Variants in RPRD1A observed in about 807,000 individuals in gnomAD.
RPRD1A encodes the protein regulation of nuclear pre-mRNA domain containing 1A, also known as regulation of nuclear pre-mRNA domain-containing protein 1A.
A neutral mutation model predicts 37.8 loss-of-function variants in RPRD1A; 9 were observed. The ratio of observed to expected loss-of-function variants is 0.24; its 90% CI spans 0.14 to 0.42. The LOEUF (loss-of-function observed/expected upper bound fraction) is 0.42, where lower values mean the gene tolerates loss of function less well. RPRD1A is among the 10% of genes least tolerant of loss of function. The pLI is 1.00. For synonymous variants in RPRD1A, 138 were observed against 139.7 expected, an observed-to-expected ratio of 0.99 and a Z score of 0.08; for missense variants, 255 against 371.0, an observed-to-expected ratio of 0.69 and a Z score of 2.57.
intron 6 of RPRD1A, among the ~76,000 whole-genome samples, chr18:36,003,263 T>G (rs1282651104): frequency 6.6e-6 from 1 of 152,206 alleles, no homozygotes; most frequent in African/African-American, 2.4e-5. Context: ...ACAGAACTTA[T>G]CTTCCACATT....
chr18:36,039,010 A>C (rs1417716876), intron 1 of RPRD1A, among the ~76,000 whole-genome samples: 1 of 152,082 alleles, frequency 6.6e-6, no homozygotes, highest in Non-Finnish European at 1.5e-5. Context: ...ATCTCAGGTG[A>C]GACTTTGGGC....
At chr18:36,054,386 G>A (rs201000957) in intron 1 of RPRD1A, among the ~76,000 whole-genome samples, 3 of 152,242 alleles carry the variant, frequency 2.0e-5, no homozygotes, top group African/African-American at 2.4e-5. Context: ...CCAGCTACTC[G>A]GGAGGCTGAG....
intron 6 of RPRD1A, among the ~76,000 whole-genome samples, chr18:36,014,380 C>T (rs1024365718): frequency 6.6e-6 from 1 of 152,086 alleles, no homozygotes; most frequent in African/African-American, 2.4e-5. Context: ...TTCTAGTTCC[C>T]GACTATAACA....
At chr18:36,024,763 A>G (rs1911244366) in intron 6 of RPRD1A, 1 of 152,206 alleles carries the variant, frequency 6.6e-6, no homozygotes, top group Non-Finnish European at 1.5e-5. Context: ...ATAAATCTTC[A>G]CCTCTCAGTC....
intron 6 of RPRD1A, among the ~76,000 whole-genome samples, chr18:36,011,706 C>T (rs976374758): frequency 7.2e-5 from 11 of 152,060 alleles, no homozygotes; most frequent in African/African-American, 2.2e-4. Context: ...CAAAAAATGC[C>T]AATGCCAAAA....
chr18:35,995,130 G>A (rs1043823942), intron 6 of RPRD1A, among the ~76,000 whole-genome samples: 3 of 152,020 alleles, frequency 2.0e-5, no homozygotes, highest in Admixed American at 1.3e-4. Flanking sequence ...GCATGTATTT[G>A]GAAAATTTCC....
intron 1 of RPRD1A, among the ~76,000 whole-genome samples, chr18:36,050,525 TA>T (rs563829690): frequency 4.8e-5 from 7 of 146,974 alleles, no homozygotes; most frequent in Middle Eastern, 3.2e-3. Flanking sequence ...AGAATATACA[TA>T]AAAAAAAAAC....
rs2144291322 is a variant in RPRD1A at position 36,030,864 on chromosome 18, T to G, written c.430A>C (p.Lys144Gln). 1 of 1,613,566 alleles carries G rather than the reference T, an allele frequency of 6.2e-7. No homozygotes were observed. Among genetic ancestry groups the G allele is most frequent in the South Asian group, 1.1e-5 (1 of 91,038 alleles). The change falls in exon 4 of 7, where the codon AAG (lysine) becomes CAG (glutamine). Residue 144 changes from lysine (K) to glutamine (Q), a missense_variant. Around this residue, in one of 2 missense-constraint regions of RPRD1A, gnomAD observed 211 missense variants for 268.9 expected, o/e 0.78. Transcript: ENST00000399022. ...GAACAGTTTTCATTTTCATCCACCT[T>G]TATCTGTTCATAAGTTCGCTTCCTA... ...KPRKRTYEQI[K>Q]VDENENCSSL...
At chr18:36,014,123 A>G (rs910173311) in intron 6 of RPRD1A, among the ~76,000 whole-genome samples, 1 of 152,194 alleles carries the variant, frequency 6.6e-6, no homozygotes, top group African/African-American at 2.4e-5. Flanking sequence ...ATTTTTTGCT[A>G]ATTTCTTTAA....
At chr18:36,057,051 C>CAAAAAAAAA (rs35428437) in intron 1 of RPRD1A, among the ~76,000 whole-genome samples, 3 of 44,734 alleles carry the variant, frequency 6.7e-5, no homozygotes, top group African/African-American at 8.4e-5. Context: ...CCTGTTTCTA[C>CAAAAAAAAA]AAAAAAAAAA....
At chr18:36,046,315 A>G (rs984301105) in intron 1 of RPRD1A, among the ~76,000 whole-genome samples, 1 of 152,116 alleles carries the variant, frequency 6.6e-6, no homozygotes, top group Non-Finnish European at 1.5e-5. Flanking sequence ...TCAGCAATAA[A>G]GAAACACTCC....
chr18:36,005,226 G>A (rs910610658), intron 6 of RPRD1A, among the ~76,000 whole-genome samples: 2 of 152,176 alleles, frequency 1.3e-5, no homozygotes, highest in East Asian at 1.9e-4. Flanking sequence ...GCGTGAGCCC[G>A]GGAGGTGGAG....
chr18:36,011,585 A>G (rs1433620616), intron 6 of RPRD1A, among the ~76,000 whole-genome samples: 1 of 152,168 alleles, frequency 6.6e-6, no homozygotes, highest in Non-Finnish European at 1.5e-5. Flanking sequence ...GATAAAAAAG[A>G]TACATATATT....
At chr18:36,027,107 A>G (rs774505935) in intron 5 of RPRD1A, 32 bp from the exon 6 acceptor site, 2 of 1,611,874 alleles carry the variant, frequency 1.2e-6, no homozygotes, top group South Asian at 1.1e-5. Context: ...AAAATATTAT[A>G]CAACAAAAAC....
At chr18:36,025,139 A>T (rs1911272344) in intron 6 of RPRD1A, 1 of 152,420 alleles carries the variant, frequency 6.6e-6, no homozygotes, top group Admixed American at 6.5e-5. Flanking sequence ...AAAAACAGGA[A>T]GCAATGTGTC....
At chr18:36,006,096 C>T (rs1274677354) in intron 6 of RPRD1A, among the ~76,000 whole-genome samples, 1 of 152,182 alleles carries the variant, frequency 6.6e-6, no homozygotes, top group East Asian at 1.9e-4. Flanking sequence ...GTACTTAGAA[C>T]AGTGTCTTGG....
At chr18:36,062,190 G>C (rs1389237114) in intron 1 of RPRD1A, among the ~76,000 whole-genome samples, 1 of 151,426 alleles carries the variant, frequency 6.6e-6, no homozygotes, top group African/African-American at 2.4e-5. Flanking sequence ...GGTGGCGGGC[G>C]CCTGTAGTCC....
In RPRD1A at chr18:36,008,589, A is replaced by ATATATATATATATATATATATATATC. The variant is rs71381561; in HGVS notation, c.790-15290_790-15289insGATATATATATATATATATATATATA. On this transcript the variant is annotated intron_variant, in intron 6 of 6. Transcript: ENST00000399022. ...AGACCTTGTGTGTGTATATATATAT[A>ATATATATATATATATATATATATATC]TCTTTAAAAATCTCTCTAGGAAAAA... Among the ~76,000 whole-genome samples, 669 of 90,350 alleles carry ATATATATATATATATATATATATATC rather than the reference A, an allele frequency of 7.4e-3. 74 individuals carry two copies. The highest frequency in any genetic ancestry group is 0.01 in the East Asian group (30 of 2,880). 59.3% of individuals were successfully genotyped at this position (90,350 alleles called of 152,430 possible).
At chr18:36,026,257 T>A (rs1366835362) in intron 6 of RPRD1A, 1 of 152,348 alleles carries the variant, frequency 6.6e-6, no homozygotes, top group Non-Finnish European at 1.5e-5. Flanking sequence ...AAACAAGAAC[T>A]CATCAACTGA....
Sources: allele counts gnomAD v4.1 joint callset (sites outside exome capture counted in the v4.1 genomes callset), GRCh38; gene constraint gnomAD v4.1.1; regional missense constraint gnomAD v4.1.1; transcripts MANE v1.5; gene names NCBI Gene and HGNC (gene_info 2026-07-23, HGNC 2026-07-21).